BRINP3: variants seen among roughly 807,000 people sequenced by gnomAD.
The protein encoded by BRINP3 is BMP/retinoic acid inducible neural specific 3, also known as BMP/retinoic acid-inducible neural-specific protein 3.
In BRINP3, 19 loss-of-function variants were observed where a neutral mutation model predicts 71.0. The observed-to-expected ratio is 0.27, with a 90% CI of 0.19 to 0.39. The LOEUF is 0.39. Among genes scored for constraint, BRINP3 ranks in the 10% least tolerant of loss-of-function variants. The pLI is 1.00. For missense variants in BRINP3, 959 were observed against 940.8 expected (o/e 1.02, Z -0.25); for synonymous variants, 380 against 337.7 (o/e 1.13, Z -1.37).
chr1:190,413,905 A>AT (rs1437940388), intron 2 of BRINP3, among the ~76,000 whole-genome samples: 10 of 152,136 alleles, frequency 6.6e-5, no homozygotes, highest in South Asian at 2.1e-4. Context: ...ACTGAAAAAA[A>AT]ATGTTAACAG....
intron 4 of BRINP3, among the ~76,000 whole-genome samples, chr1:190,244,953 T>A (rs1453487374): frequency 1.3e-5 from 2 of 152,068 alleles, no homozygotes; most frequent in Non-Finnish European, 2.9e-5. Flanking sequence ...ACTTAAAACT[T>A]TTTATTATAG....
At chr1:190,108,613 C>T (rs1652398855) in intron 7 of BRINP3, among the ~76,000 whole-genome samples, 1 of 145,512 alleles carries the variant, frequency 6.9e-6, no homozygotes, top group South Asian at 2.3e-4. Flanking sequence ...TCTAGTATGC[C>T]TAACCATCTA....
At chr1:190,295,327 C>A (rs1010424719) in intron 2 of BRINP3, among the ~76,000 whole-genome samples, 1 of 152,180 alleles carries the variant, frequency 6.6e-6, no homozygotes, top group Non-Finnish European at 1.5e-5. Flanking sequence ...GGGTCTTAGG[C>A]AAAGCCCCTG....
At chr1:190,262,211 C>T (rs1170138003) in intron 4 of BRINP3, among the ~76,000 whole-genome samples, 2 of 152,110 alleles carry the variant, frequency 1.3e-5, no homozygotes, top group African/African-American at 4.8e-5. Context: ...AGCACAATGC[C>T]CTTCCCTGGA....
At chr1:190,385,300 A>G (rs1670816917) in intron 2 of BRINP3, among the ~76,000 whole-genome samples, 1 of 152,176 alleles carries the variant, frequency 6.6e-6, no homozygotes, top group Non-Finnish European at 1.5e-5. Flanking sequence ...GACAGCCTAC[A>G]AAATGGGAGA....
chr1:190,198,629 C>A (rs1654711326), intron 6 of BRINP3, among the ~76,000 whole-genome samples: 1 of 152,156 alleles, frequency 6.6e-6, no homozygotes, highest in South Asian at 2.1e-4. Context: ...AGGGCAGGAG[C>A]AAAATGCTGC....
chr1:190,205,254 T>C (rs1040397860), intron 6 of BRINP3, among the ~76,000 whole-genome samples: 3 of 151,860 alleles, frequency 2.0e-5, no homozygotes, highest in African/African-American at 7.2e-5. Flanking sequence ...ATTAGATGTA[T>C]GCAACTTCTG....
chr1:190,329,853 TG>T (rs1666851295), intron 2 of BRINP3, among the ~76,000 whole-genome samples: 1 of 151,994 alleles, frequency 6.6e-6, no homozygotes, highest in Admixed American at 6.6e-5. Flanking sequence ...TAGAGCCATC[TG>T]ATCTTCAATG....
chr1:190,259,130 T>C (rs1449676861), intron 4 of BRINP3, among the ~76,000 whole-genome samples: 1 of 151,808 alleles, frequency 6.6e-6, no homozygotes, highest in Non-Finnish European at 1.5e-5. Context: ...GGAAGGAATA[T>C]TTCCCGATTC....
intron 5 of BRINP3, among the ~76,000 whole-genome samples, chr1:190,233,894 T>C (rs1340449988): frequency 1.3e-5 from 2 of 152,170 alleles, no homozygotes; most frequent in African/African-American, 2.4e-5. Flanking sequence ...CATATGAATA[T>C]AAATATTTTG....
chr1:190,190,717 G>T (rs72729156), intron 6 of BRINP3, among the ~76,000 whole-genome samples: 9,794 of 150,624 alleles, frequency 0.065, 446 homozygotes, highest in East Asian at 0.11. Flanking sequence ...GTTTTTTTTT[G>T]AAATAAAATA....
intron 6 of BRINP3, among the ~76,000 whole-genome samples, chr1:190,168,941 T>A (rs888828773): frequency 6.6e-6 from 1 of 152,190 alleles, no homozygotes; most frequent in East Asian, 1.9e-4. Context: ...TTTTCTTTCA[T>A]ATGTCAGTTA....
At chr1:190,123,765 T>A (rs1174467420) in intron 7 of BRINP3, among the ~76,000 whole-genome samples, 2 of 152,150 alleles carry the variant, frequency 1.3e-5, no homozygotes, top group East Asian at 3.9e-4. Flanking sequence ...CAGTGAATTA[T>A]TCAAAGCCCA....
At chr1:190,213,240 A>G (rs1656133804) in intron 6 of BRINP3, among the ~76,000 whole-genome samples, 1 of 152,084 alleles carries the variant, frequency 6.6e-6, no homozygotes, top group Non-Finnish European at 1.5e-5. Context: ...GCACTCTGTC[A>G]TAGTGACACA....
chr1:190,114,668 T>C (rs1004667222), intron 7 of BRINP3, among the ~76,000 whole-genome samples: 2 of 151,934 alleles, frequency 1.3e-5, no homozygotes, highest in African/African-American at 4.8e-5. Context: ...AATCATCTCA[T>C]TTAGTACACA....
chr1:190,391,225 T>A (rs2102305188), intron 2 of BRINP3, among the ~76,000 whole-genome samples: 1 of 151,892 alleles, frequency 6.6e-6, no homozygotes, highest in Non-Finnish European at 1.5e-5. Flanking sequence ...TCAGGAACTC[T>A]ATGACCTCCC....
intron 2 of BRINP3, among the ~76,000 whole-genome samples, chr1:190,370,175 A>T (rs1248507729): frequency 2.0e-5 from 3 of 152,206 alleles, no homozygotes; most frequent in Non-Finnish European, 4.4e-5. Flanking sequence ...ATGCATACAC[A>T]CATACACAAG....
intron 2 of BRINP3, among the ~76,000 whole-genome samples, chr1:190,321,364 T>C (rs929712522): frequency 2.0e-5 from 3 of 152,144 alleles, no homozygotes; most frequent in Admixed American, 2.0e-4. Context: ...CATGTATGTT[T>C]CTAATTCTCT....
At chr1:190,238,584 C>G (rs1658750042) in intron 4 of BRINP3, among the ~76,000 whole-genome samples, 4 of 152,068 alleles carry the variant, frequency 2.6e-5, no homozygotes, top group Admixed American at 6.6e-5. Flanking sequence ...TAGTGAGAAA[C>G]TACTATCCAT....
Sources: allele counts gnomAD v4.1 joint callset (sites outside exome capture counted in the v4.1 genomes callset), GRCh38; gene constraint gnomAD v4.1.1; transcripts MANE v1.5; gene names NCBI Gene and HGNC (gene_info 2026-07-23, HGNC 2026-07-21).